TTC28: variants seen among roughly 807,000 people sequenced by gnomAD.
TTC28 encodes the protein tetratricopeptide repeat domain 28.
In TTC28, 61 loss-of-function variants were observed where a neutral mutation model predicts 198.0. The observed-to-expected ratio is 0.31, with a 90% confidence interval of 0.25 to 0.38. TTC28 has a LOEUF of 0.38. Ranked by LOEUF, TTC28 falls within the 10% of genes least tolerant of loss-of-function variation. The probability of loss-of-function intolerance (pLI) is 1.00; values close to 1 mark genes in which losing one functional copy is unlikely to be tolerated. For synonymous variants in TTC28, 1,171 were observed against 1,297.8 expected (o/e 0.90, Z 2.10); for missense variants, 2,678 against 3,164.0 (o/e 0.85, Z 3.69).
Position 28,012,114 on chromosome 22 carries a change from T to C in TTC28, c.4218+2134A>G, listed in dbSNP as rs1397595354. 4.6e-5 allele frequency among the ~76,000 whole-genome samples: 7 copies of C among 152,168 alleles called. No homozygotes were observed. In the East Asian group the frequency reaches 1.4e-3, roughly 29 times the overall value. ...GAAGGCTGGTAGTAAGTCACTGAAATGGTTTGCATGACAGTCAGTAGCAGT... is the reference window on the plus strand; with the variant it reads ...GAAGGCTGGTAGTAAGTCACTGAAACGGTTTGCATGACAGTCAGTAGCAGT... On this transcript the variant is annotated intron_variant, in intron 14 of 22. Coordinates refer to ENST00000397906, the MANE Select transcript of TTC28 (RefSeq NM_001145418.2).
chr22:28,229,256 C>A (rs1928614864), intron 5 of TTC28, among the ~76,000 whole-genome samples: 1 of 152,208 alleles, frequency 6.6e-6, no homozygotes, highest in South Asian at 2.1e-4. Flanking sequence ...GGTAGAATAT[C>A]TACTGTCTTT....
At chr22:27,995,617 G>A (rs940355074) in intron 17 of TTC28, among the ~76,000 whole-genome samples, 1 of 152,142 alleles carries the variant, frequency 6.6e-6, no homozygotes. Flanking sequence ...GTATCATCTG[G>A]TGGTAAAATA....
chr22:28,134,430 G>A (rs1341148773), intron 6 of TTC28, among the ~76,000 whole-genome samples: 6 of 152,230 alleles, frequency 3.9e-5, no homozygotes, highest in East Asian at 1.9e-4. Flanking sequence ...GAGGAAGTTC[G>A]AACCCATCAC....
At chr22:28,224,919 A>G (rs5752710) in intron 5 of TTC28, among the ~76,000 whole-genome samples, 35,871 of 152,122 alleles carry the variant, frequency 0.24, 4,930 homozygotes, top group South Asian at 0.35. Context: ...CCTGAGATAC[A>G]TAACTATCAC....
chr22:28,565,505 T>A (rs1480206400), intron 2 of TTC28, among the ~76,000 whole-genome samples: 1 of 152,204 alleles, frequency 6.6e-6, no homozygotes, highest in Non-Finnish European at 1.5e-5. Flanking sequence ...GAAAAACAGC[T>A]ATAATGAAAT....
At chr22:28,298,282 C>G (rs1279230309) in intron 3 of TTC28, among the ~76,000 whole-genome samples, 1 of 152,162 alleles carries the variant, frequency 6.6e-6, no homozygotes, top group Non-Finnish European at 1.5e-5. Flanking sequence ...ACAGTTTGGT[C>G]ATTAACTATT....
At chr22:28,671,512 G>A (rs1221756204) in intron 1 of TTC28, among the ~76,000 whole-genome samples, 1 of 151,242 alleles carries the variant, frequency 6.6e-6, no homozygotes, top group African/African-American at 2.4e-5. Flanking sequence ...GCGGGAGCCT[G>A]TAGTCCCAGC....
chr22:28,449,172 C>T (rs930359789), intron 2 of TTC28, among the ~76,000 whole-genome samples: 1 of 151,990 alleles, frequency 6.6e-6, no homozygotes, highest in African/African-American at 2.4e-5. Flanking sequence ...CTAAGGAAGC[C>T]CTAAAGAGTA....
rs1332740369 is a variant in TTC28, at chr22:27,983,956, A to T, written c.5816-105T>A. 4.1e-6 allele frequency: 5 copies of T among 1,213,228 alleles called. No homozygotes were observed. In the African/African-American group the frequency reaches 7.7e-5, roughly 19 times the overall value. The allele number at this position is 1,213,228 out of a possible 1,614,324, so 75.2% of individuals were successfully genotyped here. On this transcript the variant is annotated intron_variant, in intron 22 of 22. Transcript: ENST00000397906. ...TTTATATGCATAGAAGCTAGCAAAG[A>T]ATTATGCAAGAGCTACTCATATTAA... is the stretch of plus-strand genomic sequence containing the variant.
At chr22:28,543,353 A>C (rs1027491123) in intron 2 of TTC28, among the ~76,000 whole-genome samples, 13 of 151,724 alleles carry the variant, frequency 8.6e-5, no homozygotes, top group Non-Finnish European at 1.2e-4. Flanking sequence ...AGAAAGAAGG[A>C]GAAGAAAGGA....
chr22:28,199,678 G>A (rs1184933643), intron 5 of TTC28, among the ~76,000 whole-genome samples: 4 of 151,394 alleles, frequency 2.6e-5, no homozygotes, highest in African/African-American at 9.7e-5. Context: ...TAACATTTTG[G>A]GCCAGACAGT....
In TTC28 at chr22:28,444,969, T is replaced by C. The variant is rs116954947; in HGVS notation, c.382-138326A>G. 2.1e-3 allele frequency among the ~76,000 whole-genome samples: 316 copies of C among 152,326 alleles called. 3 individuals are homozygous for C. The highest frequency in any genetic ancestry group is 2.2e-3 in the Non-Finnish European group (150 of 68,032). On this transcript the variant is annotated intron_variant, in intron 2 of 22. Coordinates refer to ENST00000397906, the MANE Select transcript of TTC28 (RefSeq NM_001145418.2). ...ATCATTCTGGACAACTTTACTTGGA[T>C]ATGCTACTAGCACAGAAAGCTCAAT...
At chr22:28,076,249 TA>T (rs1345368418) in intron 12 of TTC28, among the ~76,000 whole-genome samples, 2 of 152,224 alleles carry the variant, frequency 1.3e-5, no homozygotes, top group African/African-American at 4.8e-5. Context: ...ATGATAATTT[TA>T]AATGTTCAAA....
At chr22:28,046,431 C>T (rs911145970) in intron 12 of TTC28, among the ~76,000 whole-genome samples, 5 of 152,166 alleles carry the variant, frequency 3.3e-5, no homozygotes, top group African/African-American at 1.2e-4. Context: ...GCAACTGTAA[C>T]ACAATGTTAA....
chr22:28,271,990 C>T (rs530090931), intron 5 of TTC28, among the ~76,000 whole-genome samples: 104 of 152,208 alleles, frequency 6.8e-4, no homozygotes, highest in African/African-American at 2.2e-3. Flanking sequence ...TTTTGCCTTC[C>T]GCCATGATTG....
intron 1 of TTC28, among the ~76,000 whole-genome samples, chr22:28,669,193 C>A (rs2051836890): frequency 7.5e-6 from 1 of 134,210 alleles, no homozygotes; most frequent in Admixed American, 7.7e-5. Flanking sequence ...GGGAGATATA[C>A]CTAATGCTAG....
rs75764043 is a variant in TTC28 at position 28,537,395 on chromosome 22, A to C, written c.381+92157T>G. Reference sequence around the variant, plus strand: ...AAGAGGAAGCCCAAATATGACACAAAGACATATGAGAATTTAGAATACGAT... The same window carrying C: ...AAGAGGAAGCCCAAATATGACACAACGACATATGAGAATTTAGAATACGAT... On this transcript the variant is annotated intron_variant, in intron 2 of 22. Coordinates refer to ENST00000397906, the MANE Select transcript of TTC28 (RefSeq NM_001145418.2). Among the ~76,000 whole-genome samples the C allele has an allele frequency of 1.6e-3, 244 of 151,978 alleles. 1 individual carries two copies. The highest frequency in any genetic ancestry group is 5.8e-3 in the African/African-American group (239 of 41,538).
chr22:28,079,489 T>A (rs1941269962), intron 12 of TTC28, among the ~76,000 whole-genome samples: 1 of 152,076 alleles, frequency 6.6e-6, no homozygotes, highest in Admixed American at 6.5e-5. Flanking sequence ...AAGCCCTATA[T>A]CCATTAAACA....
chr22:28,460,389 C>T (rs2047930020), intron 2 of TTC28, among the ~76,000 whole-genome samples: 1 of 152,092 alleles, frequency 6.6e-6, no homozygotes, highest in Admixed American at 6.6e-5. Context: ...CCCATCACCA[C>T]CAGTCCTACT....
Sources: gnomAD v4.1 joint callset for allele counts (sites outside exome capture counted in the v4.1 genomes callset) on GRCh38, gnomAD v4.1.1 for gene constraint, MANE v1.5 for transcripts, NCBI Gene and HGNC (gene_info 2026-07-23, HGNC 2026-07-21) for gene names.